Variants in TSHZ2 observed in about 807,000 individuals in gnomAD.
TSHZ2 encodes teashirt homolog 2.
A neutral mutation model predicts 74.4 loss-of-function variants in TSHZ2; 21 were observed. That is an observed-to-expected ratio of 0.28 (90% CI 0.20 to 0.41). TSHZ2 has a LOEUF of 0.41. TSHZ2 is among the 10% of genes least tolerant of loss of function. The pLI, the probability that TSHZ2 is intolerant of heterozygous loss-of-function variation, is 1.00. For synonymous variants in TSHZ2, 540 were observed against 515.3 expected (o/e 1.05, Z -0.65); for missense variants, 1,244 against 1,293.5 (o/e 0.96, Z 0.59).
At chr20:53,299,807 C>T (rs1217215281) in intron 2 of TSHZ2, among the ~76,000 whole-genome samples, 1 of 152,176 alleles carries the variant, frequency 6.6e-6, no homozygotes, top group African/African-American at 2.4e-5. Context: ...CATTTTGCAA[C>T]TTAATTCCCA....
At chr20:53,068,570 T>G (rs1440976663) in intron 1 of TSHZ2, among the ~76,000 whole-genome samples, 1 of 152,212 alleles carries the variant, frequency 6.6e-6, no homozygotes, top group Non-Finnish European at 1.5e-5. Flanking sequence ...TCCATGGCAC[T>G]GACCACACTT....
At chr20:53,486,393 AT>A (rs1423279565) in intron 2 of TSHZ2, among the ~76,000 whole-genome samples, 1 of 151,532 alleles carries the variant, frequency 6.6e-6, no homozygotes, top group Non-Finnish European at 1.5e-5. Context: ...TATTAAAAAT[AT>A]TTTTTTTCTT....
chr20:53,106,906 C>A (rs970275467), intron 1 of TSHZ2, among the ~76,000 whole-genome samples: 2 of 151,066 alleles, frequency 1.3e-5, no homozygotes, highest in Non-Finnish European at 3.0e-5. Flanking sequence ...CCTTATTGGC[C>A]GGGGTGATCT....
Position 53,251,963 on chromosome 20 carries a change from C to T in TSHZ2, c.41-1536C>T, listed in dbSNP as rs180804214. On this transcript the variant is annotated intron_variant, in intron 1 of 2. Coordinates refer to ENST00000371497, the MANE Select transcript of TSHZ2 (RefSeq NM_173485.6). ...TTGGGTGTCTGTCCTCACTCTGCAACGCTAGCTGTGTGGCCTTGGGTGAAT... is the reference window on the plus strand; with the variant it reads ...TTGGGTGTCTGTCCTCACTCTGCAATGCTAGCTGTGTGGCCTTGGGTGAAT... Among the ~76,000 whole-genome samples the T allele has an allele frequency of 1.8e-3, 272 of 152,340 alleles. 6 individuals carry two copies. The South Asian group carries it at 0.036, about 20-fold the overall frequency.
chr20:53,469,588 G>C (rs1379217910), intron 2 of TSHZ2, among the ~76,000 whole-genome samples: 1 of 67,626 alleles, frequency 1.5e-5, no homozygotes, highest in African/African-American at 5.6e-5. Flanking sequence ...AAGGAAGGAA[G>C]GAAGGAAGGA....
chr20:52,991,802 GT>G (rs1028598663), intron 1 of TSHZ2, among the ~76,000 whole-genome samples: 3 of 151,966 alleles, frequency 2.0e-5, no homozygotes, highest in African/African-American at 7.3e-5. Flanking sequence ...AGTGTGTGTT[GT>G]GGGGAAAGAG....
chr20:53,088,303 T>A (rs1568753381), intron 1 of TSHZ2, among the ~76,000 whole-genome samples: 1 of 152,218 alleles, frequency 6.6e-6, no homozygotes. Context: ...TCTGCTCTCA[T>A]GGAATTTATA....
intron 1 of TSHZ2, among the ~76,000 whole-genome samples, chr20:52,976,872 T>A (rs544817624): frequency 5.4e-4 from 83 of 152,356 alleles, no homozygotes; most frequent in Non-Finnish European, 9.0e-4. Flanking sequence ...AAAGGCTTTC[T>A]GATCACCCAG....
At chr20:53,226,119 A>AAC (rs11470731) in intron 1 of TSHZ2, among the ~76,000 whole-genome samples, 11,179 of 147,342 alleles carry the variant, frequency 0.076, 448 homozygotes, top group Admixed American at 0.12. Context: ...GACTAAATTT[A>AAC]ACACACACAC....
At chr20:53,032,109 T>C (rs1307528355) in intron 1 of TSHZ2, among the ~76,000 whole-genome samples, 2 of 152,218 alleles carry the variant, frequency 1.3e-5, no homozygotes, top group Non-Finnish European at 2.9e-5. Context: ...TGCTGCAATC[T>C]ATTCATTCTG....
At position 53,085,942 on chromosome 20, in the gene TSHZ2, C is replaced by T. The variant is rs147047993; in HGVS notation, c.40+112609C>T. ...CTCAAAGTTCTCCTCTCCAGCTGCG[C>T]TCAACCTCACCTGTGCCTCTCAAGG... On this transcript the variant is annotated intron_variant, in intron 1 of 2. Transcript: ENST00000371497. 6.6e-5 allele frequency among the ~76,000 whole-genome samples: 10 copies of T among 152,326 alleles called. No individual in the cohort carries two copies. In the East Asian group the frequency reaches 1.4e-3, roughly 21 times the overall value.
intron 1 of TSHZ2, among the ~76,000 whole-genome samples, chr20:53,113,306 C>T (rs927527174): frequency 3.3e-5 from 5 of 152,252 alleles, no homozygotes; most frequent in Non-Finnish European, 5.9e-5. Context: ...TTTTTCTTCT[C>T]TTTCTTTCTA....
At chr20:53,269,160 A>G (rs182309270) in intron 2 of TSHZ2, among the ~76,000 whole-genome samples, 6 of 152,112 alleles carry the variant, frequency 3.9e-5, no homozygotes, top group African/African-American at 1.4e-4. Flanking sequence ...TGGATCTGGC[A>G]CACACAGCAA....
chr20:53,409,740 C>T (rs1175186556), intron 2 of TSHZ2, among the ~76,000 whole-genome samples: 1 of 150,978 alleles, frequency 6.6e-6, no homozygotes, highest in African/African-American at 2.4e-5. Flanking sequence ...GAAACTTTGA[C>T]AGCCCAGTGA....
chr20:53,356,026 G>A (rs866555355), intron 2 of TSHZ2, among the ~76,000 whole-genome samples: 3 of 152,208 alleles, frequency 2.0e-5, no homozygotes, highest in South Asian at 2.1e-4. Flanking sequence ...AGTGAGAAAA[G>A]AAATTGGAGA....
chr20:53,001,216 G>GTGTGTGTGTGTGTGTGTGTGTGTATA (rs1982409090), intron 1 of TSHZ2, among the ~76,000 whole-genome samples: 3 of 142,570 alleles, frequency 2.1e-5, no homozygotes, highest in African/African-American at 8.2e-5. Context: ...GTGTGTGTGT[G>GTGTGTGTGTGTGTGTGTGTGTGTATA]TGTGTGTGTG....
chr20:53,266,467 T>G (rs1990718619), intron 2 of TSHZ2, among the ~76,000 whole-genome samples: 1 of 152,188 alleles, frequency 6.6e-6, no homozygotes, highest in African/African-American at 2.4e-5. Flanking sequence ...AGGATCACTT[T>G]CTAGTTCAAG....
At chr20:53,188,214 A>T (rs552862102) in intron 1 of TSHZ2, among the ~76,000 whole-genome samples, 1 of 152,220 alleles carries the variant, frequency 6.6e-6, no homozygotes, top group African/African-American at 2.4e-5. Context: ...TGCCTTCTTT[A>T]AGGGGGAGGG....
chr20:53,298,682 C>T (rs747025806), intron 2 of TSHZ2, among the ~76,000 whole-genome samples: 2 of 152,058 alleles, frequency 1.3e-5, no homozygotes, highest in African/African-American at 2.4e-5. Flanking sequence ...TCACTGGAGG[C>T]GGGTAAACCC....
Sources: allele counts gnomAD v4.1 joint callset (sites outside exome capture counted in the v4.1 genomes callset), GRCh38; gene constraint gnomAD v4.1.1; transcripts MANE v1.5; gene names NCBI Gene and HGNC (gene_info 2026-07-23, HGNC 2026-07-21).